Variants in KCNIP4 observed in about 807,000 individuals in gnomAD.
The protein encoded by KCNIP4 is Kv channel-interacting protein 4.
A neutral mutation model predicts 34.0 loss-of-function variants in KCNIP4; 12 were observed. The observed-to-expected ratio is 0.35, with a 90% CI of 0.23 to 0.57. The LOEUF (loss-of-function observed/expected upper bound fraction) is 0.57, where lower values mean the gene tolerates loss of function less well. KCNIP4 is among the 20% of genes least tolerant of loss of function. The probability of loss-of-function intolerance (pLI) is 0.83; values close to 1 mark genes in which losing one functional copy is unlikely to be tolerated. For missense variants in KCNIP4, 238 were observed against 311.7 expected (o/e 0.76, Z 1.78); for synonymous variants, 124 against 102.2 (o/e 1.21, Z -1.29).
chr4:21,399,273 A>G (rs747059021), intron 1 of KCNIP4, among the ~76,000 whole-genome samples: 29 of 152,304 alleles, frequency 1.9e-4, no homozygotes, highest in Non-Finnish European at 3.4e-4. Context: ...AAGAGGGCCA[A>G]TGAGGCATGA....
intron 1 of KCNIP4, among the ~76,000 whole-genome samples, chr4:21,924,106 G>A (rs189503380): frequency 6.6e-6 from 1 of 152,224 alleles, no homozygotes; most frequent in Admixed American, 6.5e-5. Context: ...CAGAAAATTA[G>A]TAGATACAAA....
chr4:21,725,154 C>T (rs1159524486), intron 1 of KCNIP4, among the ~76,000 whole-genome samples: 1 of 152,166 alleles, frequency 6.6e-6, no homozygotes, highest in Non-Finnish European at 1.5e-5. Flanking sequence ...TAAGGCATCA[C>T]AGATGCCTTT....
intron 1 of KCNIP4, among the ~76,000 whole-genome samples, chr4:21,670,889 C>T (rs1001860280): frequency 6.6e-6 from 1 of 151,870 alleles, no homozygotes; most frequent in African/African-American, 2.4e-5. Flanking sequence ...ATCTCCTGAC[C>T]TCGTGATCCG....
chr4:21,695,493 A>C (rs1208045695), intron 1 of KCNIP4, among the ~76,000 whole-genome samples: 2 of 152,012 alleles, frequency 1.3e-5, no homozygotes, highest in African/African-American at 2.4e-5. Context: ...TGATTTCCAA[A>C]TACGCATTGA....
intron 1 of KCNIP4, among the ~76,000 whole-genome samples, chr4:21,306,871 AG>A (rs1712523443): frequency 6.6e-6 from 1 of 150,764 alleles, no homozygotes. Flanking sequence ...CCCACATTGG[AG>A]TGCAATGGTG....
intron 1 of KCNIP4, among the ~76,000 whole-genome samples, chr4:21,943,746 G>T (rs1730332340): frequency 6.6e-6 from 1 of 152,064 alleles, no homozygotes. Context: ...CTCAAGTTAG[G>T]TTTCAGTAAA....
At chr4:21,778,290 A>G (rs541130012) in intron 1 of KCNIP4, among the ~76,000 whole-genome samples, 35 of 118,586 alleles carry the variant, frequency 3.0e-4, no homozygotes, top group Middle Eastern at 0.017. Context: ...GCTGGAGTGC[A>G]GTGGCCCAAA....
chr4:21,855,955 T>C (rs1724724084), intron 1 of KCNIP4, among the ~76,000 whole-genome samples: 1 of 152,174 alleles, frequency 6.6e-6, no homozygotes, highest in South Asian at 2.1e-4. Flanking sequence ...CATTGAAAAA[T>C]CAGAATATGT....
intron 1 of KCNIP4, among the ~76,000 whole-genome samples, chr4:21,308,926 T>A (rs1354903914): frequency 6.6e-6 from 1 of 150,518 alleles, no homozygotes; most frequent in East Asian, 2.0e-4. Flanking sequence ...GCTCTACTGC[T>A]GCATGAAGGT....
chr4:21,823,417 AT>A (rs1474073249), intron 1 of KCNIP4, among the ~76,000 whole-genome samples: 2 of 152,026 alleles, frequency 1.3e-5, no homozygotes, highest in African/African-American at 4.8e-5. Flanking sequence ...TTTTAAAAAA[AT>A]AAATTCTAAA....
chr4:21,778,224 C>CTTTTTTTTTTTT (rs757351209), intron 1 of KCNIP4, among the ~76,000 whole-genome samples: 8 of 102,390 alleles, frequency 7.8e-5, no homozygotes, highest in East Asian at 4.5e-4. Context: ...TCCTTTTTTC[C>CTTTTTTTTTTTT]TTTTTTTTTT....
chr4:21,595,773 A>G (rs1742599111), intron 1 of KCNIP4, among the ~76,000 whole-genome samples: 1 of 152,114 alleles, frequency 6.6e-6, no homozygotes, highest in Non-Finnish European at 1.5e-5. Context: ...AGAGAATTGC[A>G]ATTACTTTTG....
intron 1 of KCNIP4, among the ~76,000 whole-genome samples, chr4:21,703,414 G>A (rs1384734314): frequency 1.3e-5 from 2 of 152,062 alleles, no homozygotes; most frequent in African/African-American, 4.8e-5. Flanking sequence ...GGGTGCATGT[G>A]CACATGGATG....
At chr4:21,720,027 G>A (rs1577899640) in intron 1 of KCNIP4, among the ~76,000 whole-genome samples, 1 of 144,228 alleles carries the variant, frequency 6.9e-6, no homozygotes, top group Admixed American at 7.1e-5. Flanking sequence ...AGGAGAAGGA[G>A]AAGGAGAAGG....
intron 1 of KCNIP4, among the ~76,000 whole-genome samples, chr4:21,007,262 A>C (rs988513615): frequency 3.9e-5 from 6 of 152,176 alleles, no homozygotes; most frequent in Non-Finnish European, 1.5e-5. Flanking sequence ...AGTTTTCCTG[A>C]AGGCCTGAGA....
chr4:21,790,969 C>CAAAAAA lies in KCNIP4; in HGVS notation c.61+157596_61+157601dup, dbSNP rs10560597. ...CTCCTTTATTTGCCTGCGCACTCCA[C>CAAAAAA]AAAAAAAAAAAAAAAAAAAAAAAAA... On this transcript the variant is annotated intron_variant, in intron 1 of 8. Coordinates refer to ENST00000382152, the MANE Select transcript of KCNIP4 (RefSeq NM_025221.6). Among the ~76,000 whole-genome samples, 339 of 89,620 alleles carry CAAAAAA rather than the reference C, an allele frequency of 3.8e-3. 20 individuals are homozygous for CAAAAAA. The highest frequency in any genetic ancestry group is 0.01 in the African/African-American group (303 of 29,598). 58.8% of individuals were successfully genotyped at this position (89,620 alleles called of 152,430 possible).
chr4:21,113,529 A>G (rs17637431), intron 1 of KCNIP4, among the ~76,000 whole-genome samples: 8,052 of 150,900 alleles, frequency 0.053, 324 homozygotes, highest in Non-Finnish European at 0.079. Flanking sequence ...TTGAGTTAGT[A>G]TCTCTGGGAC....
intron 1 of KCNIP4, chr4:21,844,048 A>G (rs1193616252): frequency 6.6e-6 from 1 of 152,098 alleles, no homozygotes; most frequent in Non-Finnish European, 1.5e-5. Flanking sequence ...AGAGCTTGCA[A>G]TGCATTCACT....
chr4:21,512,331 C>A (rs1734409511), intron 1 of KCNIP4, among the ~76,000 whole-genome samples: 1 of 152,146 alleles, frequency 6.6e-6, no homozygotes, highest in Non-Finnish European at 1.5e-5. Context: ...TAAAGCAATC[C>A]TATTGAAATA....
Sources: gnomAD v4.1 joint callset for allele counts (sites outside exome capture counted in the v4.1 genomes callset) on GRCh38, gnomAD v4.1.1 for gene constraint, MANE v1.5 for transcripts, NCBI Gene and HGNC (gene_info 2026-07-23, HGNC 2026-07-21) for gene names.